NAV3: variants seen among roughly 807,000 people sequenced by gnomAD.
The protein encoded by NAV3 is pore membrane and/or filament interacting like protein 1.
Under a neutral mutation model 244.7 loss-of-function variants are expected in NAV3, and 87 were observed. The ratio of observed to expected loss-of-function variants is 0.36; its 90% confidence interval spans 0.30 to 0.42. The LOEUF is 0.42. NAV3 is among the 20% of genes least tolerant of loss of function. The pLI, the probability that NAV3 is intolerant of heterozygous loss-of-function variation, is 1.00. For synonymous variants in NAV3, 1,126 were observed against 1,042.2 expected (o/e 1.08, Z -1.55); for missense variants, 2,663 against 2,893.3 (o/e 0.92, Z 1.83).
Position 78,212,235 on chromosome 12 carries a change from G to A in NAV3, c.*1718G>A, listed in dbSNP as rs556374233. On this transcript the variant is annotated 3_prime_UTR_variant, in exon 40 of 40. Coordinates refer to ENST00000397909, the MANE Select transcript of NAV3 (RefSeq NM_001024383.2). Reference sequence around the variant, plus strand: ...TGAAAACTGATCAGTCATTGGAGAAGTTACCACCACACACAAAGGACAGGT... The same window carrying A: ...TGAAAACTGATCAGTCATTGGAGAAATTACCACCACACACAAAGGACAGGT... 6.5e-6 allele frequency: 1 copy of A among 152,710 alleles called. No individual in the cohort carries two copies. The highest frequency in any genetic ancestry group is 2.4e-5 in the African/African-American group (1 of 41,558). 9.5% of individuals were successfully genotyped at this position (152,710 alleles called of 1,614,324 possible).
At chr12:78,164,239 G>C (rs1957685428) in intron 23 of NAV3, among the ~76,000 whole-genome samples, 1 of 152,102 alleles carries the variant, frequency 6.6e-6, no homozygotes. Context: ...GTTAAGGTAT[G>C]AGGGGTTTTT....
intron 12 of NAV3, among the ~76,000 whole-genome samples, chr12:78,090,827 G>T (rs2138005781): frequency 6.6e-6 from 1 of 151,978 alleles, no homozygotes; most frequent in South Asian, 2.1e-4. Flanking sequence ...AAGTCAAAAA[G>T]ATGTGAAAAT....
intron 18 of NAV3, among the ~76,000 whole-genome samples, chr12:78,132,210 A>G (rs1216752383): frequency 6.8e-6 from 1 of 147,292 alleles, no homozygotes; most frequent in Non-Finnish European, 1.5e-5. Context: ...TCAGAGTTAA[A>G]ACACAATTAA....
intron 23 of NAV3, among the ~76,000 whole-genome samples, chr12:78,162,892 A>T (rs1238879425): frequency 4.0e-5 from 5 of 125,990 alleles, no homozygotes; most frequent in African/African-American, 8.1e-5. Context: ...AATATATATA[A>T]TATATATATA....
At chr12:77,768,208 G>A (rs1286883606) in intron 2 of NAV3, among the ~76,000 whole-genome samples, 10 of 152,190 alleles carry the variant, frequency 6.6e-5, no homozygotes, top group Non-Finnish European at 1.3e-4. Context: ...GCCATGGGCA[G>A]CCTGGAAAAA....
intron 2 of NAV3, among the ~76,000 whole-genome samples, chr12:77,823,881 TA>T (rs2136039898): frequency 6.6e-6 from 1 of 152,072 alleles, no homozygotes; most frequent in South Asian, 2.1e-4. Flanking sequence ...TTCAAGAAGG[TA>T]GAAAAACAAA....
At position 77,652,889 on chromosome 12, in the gene NAV3, G is replaced by C. The variant is rs139326294; in HGVS notation, c.72+80623G>C. Among the ~76,000 whole-genome samples, 105 of 152,286 alleles carry C rather than the reference G, an allele frequency of 6.9e-4. 3 individuals carry two copies. The East Asian group carries it at 0.017, about 25-fold the overall frequency. ...CATGTGTCTGTGAAGTGAAAGCAAT[G>C]CTAGATATGTCTGTTTTTCTGTTAT... On this transcript the variant is annotated intron_variant, in intron 2 of 8. Coordinates refer to the NAV3 transcript ENST00000550042.
Position 77,841,209 on chromosome 12 carries a change from G to A in NAV3, c.243+9505G>A, listed in dbSNP as rs1875582019. Among the ~76,000 whole-genome samples, 6 of 152,242 alleles carry A rather than the reference G, an allele frequency of 3.9e-5. 1 individual carries two copies. The South Asian group carries it at 1.2e-3, about 32-fold the overall frequency. On this transcript the variant is annotated intron_variant, in intron 1 of 39. Transcript: ENST00000397909. ...CTGGAAAAAAAGTCACTAGATGAAA[G>A]AGTCATGTAAAAATGTAACATTTTC... is the stretch of plus-strand genomic sequence containing the variant.
At chr12:77,591,826 T>A (rs1020061371) in intron 2 of NAV3, among the ~76,000 whole-genome samples, 8 of 152,242 alleles carry the variant, frequency 5.3e-5, no homozygotes, top group African/African-American at 1.7e-4. Flanking sequence ...TGTATACATA[T>A]ATGTTTAAGT....
At chr12:77,745,967 A>G (rs1868516915) in intron 2 of NAV3, among the ~76,000 whole-genome samples, 1 of 150,050 alleles carries the variant, frequency 6.7e-6, no homozygotes, top group Non-Finnish European at 1.5e-5. Context: ...CAGACCCACA[A>G]AATTGGTTAA....
intron 12 of NAV3, among the ~76,000 whole-genome samples, chr12:78,066,147 AG>A (rs531252898): frequency 9.4e-4 from 143 of 152,192 alleles, no homozygotes; most frequent in African/African-American, 3.4e-3. Context: ...TACATCAAAA[AG>A]TCAGCTGCCT....
At chr12:78,070,693 C>T (rs1952714083) in intron 12 of NAV3, among the ~76,000 whole-genome samples, 1 of 138,696 alleles carries the variant, frequency 7.2e-6, no homozygotes, top group Non-Finnish European at 1.6e-5. Context: ...CCGATGCTAT[C>T]CCTCCTCCCT....
At chr12:78,162,011 G>C (rs1000194235) in intron 23 of NAV3, among the ~76,000 whole-genome samples, 3 of 152,054 alleles carry the variant, frequency 2.0e-5, no homozygotes, top group Non-Finnish European at 4.4e-5. Context: ...CTCATTTTCT[G>C]ACCAGGAGAG....
At chr12:78,026,237 G>A (rs1878034286) in intron 9 of NAV3, among the ~76,000 whole-genome samples, 4 of 152,040 alleles carry the variant, frequency 2.6e-5, no homozygotes, top group Admixed American at 1.3e-4. Context: ...TTCTCTCCCC[G>A]GAACTCTGGA....
intron 11 of NAV3, among the ~76,000 whole-genome samples, chr12:78,053,127 C>T (rs550495145): frequency 6.6e-6 from 1 of 151,684 alleles, no homozygotes; most frequent in East Asian, 1.9e-4. Flanking sequence ...GCAGGAGAAC[C>T]ACCTGAAACC....
At chr12:78,170,656 A>G (rs892421413) in intron 24 of NAV3, among the ~76,000 whole-genome samples, 1 of 151,774 alleles carries the variant, frequency 6.6e-6, no homozygotes, top group African/African-American at 2.4e-5. Context: ...TGATGCACAT[A>G]TAGACTTCTT....
At chr12:77,584,813 G>C (rs1869524565) in intron 2 of NAV3, among the ~76,000 whole-genome samples, 1 of 152,120 alleles carries the variant, frequency 6.6e-6, no homozygotes, top group African/African-American at 2.4e-5. Context: ...AAAAATTAAA[G>C]GCTAAAGTTA....
chr12:77,722,398 A>G (rs1876679696), intron 2 of NAV3, among the ~76,000 whole-genome samples: 1 of 152,098 alleles, frequency 6.6e-6, no homozygotes. Flanking sequence ...AACAGGTACT[A>G]TAAAAATCTT....
rs763918498 is a variant in NAV3 at position 78,159,236 on chromosome 12, G to A, written c.4819G>A (p.Gly1607Arg). ...TGTAGCAGCTTTTGAAAAGAGCTTAGGGAATATGACTGGCCGATTGCAAAG... is the reference window on the plus strand; with the variant it reads ...TGTAGCAGCTTTTGAAAAGAGCTTAAGGAATATGACTGGCCGATTGCAAAG... Reference protein sequence around the residue: ...HLVAAFEKSLGNMTGRLQSLT... With the variant: ...HLVAAFEKSLRNMTGRLQSLT... The change falls in exon 23 of 40, where the codon GGG becomes AGG. Residue 1607 changes from glycine to arginine, a missense_variant. Gly to Arg is a moderately radical substitution (Grantham distance 125). Coordinates refer to ENST00000397909, the MANE Select transcript of NAV3 (RefSeq NM_001024383.2). 14 of 1,613,294 alleles carry A rather than the reference G, an allele frequency of 8.7e-6. No homozygotes were observed. Among genetic ancestry groups the A allele is most frequent in the South Asian group, 1.1e-5 (1 of 91,018 alleles).
Sources: gnomAD v4.1 joint callset for allele counts (sites outside exome capture counted in the v4.1 genomes callset) on GRCh38, gnomAD v4.1.1 for gene constraint, MANE v1.5 for transcripts, NCBI Gene and HGNC (gene_info 2026-07-23, HGNC 2026-07-21) for gene names.